The following MUC7 variants were observed in gnomAD, a reference collection of about 807,000 sequenced individuals.
MUC7 encodes mucin-7.
In MUC7, 2 loss-of-function variants were observed where a neutral mutation model predicts 2.5. The ratio of observed to expected loss-of-function variants is 0.81; its 90% CI spans 0.33 to 2.55. The LOEUF (loss-of-function observed/expected upper bound fraction) is 2.55. Among genes scored for constraint, MUC7 ranks in the 30% most tolerant of loss-of-function variants. The pLI, the probability that MUC7 is intolerant of heterozygous loss-of-function variation, is 0.11. For missense variants in MUC7, 408 were observed against 455.6 expected, an observed-to-expected ratio of 0.90 and a Z score of 0.95; for synonymous variants, 133 against 173.4, an observed-to-expected ratio of 0.77 and a Z score of 1.83.
intron 1 of MUC7, among the ~76,000 whole-genome samples, chr4:70,431,830 G>C (rs1279926152): frequency 6.6e-6 from 1 of 152,060 alleles, no homozygotes; most frequent in Non-Finnish European, 1.5e-5. Context: ...CATGTGCCAT[G>C]TTGGTGTGCT....
In MUC7 at chr4:70,474,007, G is replaced by A. The variant is rs867134981; in HGVS notation, c.-15G>A. 1 of 1,609,730 alleles carries A rather than the reference G, an allele frequency of 6.2e-7. No individual in the cohort carries two copies. The highest frequency in any genetic ancestry group is 1.1e-5 in the South Asian group (1 of 90,600). On this transcript the variant is annotated splice_region_variant and 5_prime_UTR_variant, in exon 2 of 3. Transcript: ENST00000304887. ...TACGCCACATTTCTGCTTTTCCCAG[G>A]AGACATCAGAAAGAATGAAAACTCT...
At chr4:70,458,051 A>T (rs144156974) in intron 1 of MUC7, among the ~76,000 whole-genome samples, 2 of 152,110 alleles carry the variant, frequency 1.3e-5, no homozygotes, top group Non-Finnish European at 2.9e-5. Context: ...GTAGCGATTA[A>T]TCTCTCCGAT....
At chr4:70,445,934 C>T (rs1734123603) in intron 1 of MUC7, among the ~76,000 whole-genome samples, 1 of 152,118 alleles carries the variant, frequency 6.6e-6, no homozygotes, top group South Asian at 2.1e-4. Flanking sequence ...CCAGACATGA[C>T]CTTCTCTCTG....
rs561427177 is a variant in MUC7 at position 70,466,677 on chromosome 4, G to A, written c.-92-5538G>A. Among the ~76,000 whole-genome samples the A allele has an allele frequency of 5.9e-5, 9 of 152,218 alleles. No homozygotes were observed. The South Asian group carries it at 1.7e-3, about 28-fold the overall frequency. On this transcript the variant is annotated intron_variant, in intron 1 of 3. Transcript: ENST00000413702. The stretch of plus-strand genomic sequence containing the variant: ...AAAAAGACAACAGCATTACATAATG[G>A]TAAAGGGATCAATGCAACAAGAAGA...
At chr4:70,476,579 G>T (rs1007999674) in intron 2 of MUC7, among the ~76,000 whole-genome samples, 1 of 152,206 alleles carries the variant, frequency 6.6e-6, no homozygotes, top group African/African-American at 2.4e-5. Flanking sequence ...GTGAGGTCAG[G>T]AGTTCGAGAC....
intron 1 of MUC7, among the ~76,000 whole-genome samples, chr4:70,473,354 G>A (rs1294693991): frequency 6.6e-6 from 1 of 151,974 alleles, no homozygotes; most frequent in East Asian, 1.9e-4. Context: ...CAAAGTGAGA[G>A]GATCGCTTGA....
intron 2 of MUC7, among the ~76,000 whole-genome samples, chr4:70,475,206 G>A (rs1436641193): frequency 6.6e-6 from 1 of 152,084 alleles, no homozygotes; most frequent in Admixed American, 6.5e-5. Flanking sequence ...TCGAACCTGG[G>A]AGGCAGAGTT....
chr4:70,473,341 G>C (rs1734893023), intron 1 of MUC7, among the ~76,000 whole-genome samples: 1 of 152,074 alleles, frequency 6.6e-6, no homozygotes, highest in African/African-American at 2.4e-5. Context: ...CTACTAGGGT[G>C]GCCAAAGTGA....
chr4:70,455,966 G>A (rs897433443), intron 1 of MUC7, among the ~76,000 whole-genome samples: 7 of 152,164 alleles, frequency 4.6e-5, no homozygotes, highest in African/African-American at 1.7e-4. Context: ...AGGAGGCAGA[G>A]TTCTCAAGAA....
At position 70,474,013 on chromosome 4, in the gene MUC7, T is replaced by A; in HGVS notation, c.-9T>A. 2 of 1,610,836 alleles carry A rather than the reference T, an allele frequency of 1.2e-6. No individual in the cohort carries two copies. The highest frequency in any genetic ancestry group is 1.7e-6 in the Non-Finnish European group (2 of 1,177,568). On this transcript the variant is annotated 5_prime_UTR_variant, in exon 2 of 3. Coordinates refer to ENST00000304887, the MANE Select transcript of MUC7 (RefSeq NM_152291.3). Reference sequence around the variant, plus strand: ...ACATTTCTGCTTTTCCCAGGAGACATCAGAAAGAATGAAAACTCTGCCGCT... The same window carrying A: ...ACATTTCTGCTTTTCCCAGGAGACAACAGAAAGAATGAAAACTCTGCCGCT...
upstream of MUC7, among the ~76,000 whole-genome samples, chr4:70,470,473 G>T (rs1176045471): frequency 6.6e-6 from 1 of 151,898 alleles, no homozygotes; most frequent in Admixed American, 6.6e-5. Flanking sequence ...GAAATGTACT[G>T]GATTCAGTCA....
In MUC7 at chr4:70,447,428, GA is replaced by G. The variant is rs542324844; in HGVS notation, c.-93+16750del. ...AGCTTTATATCATATTACATACTCAGAAAAAAAAAGTCACAATGGTTTTATT... is the reference window on the plus strand; with the variant it reads ...AGCTTTATATCATATTACATACTCAGAAAAAAAAGTCACAATGGTTTTATT... On this transcript the variant is annotated intron_variant, in intron 1 of 3. Transcript: ENST00000413702. Among the ~76,000 whole-genome samples, 99 of 150,010 alleles carry G rather than the reference GA, an allele frequency of 6.6e-4. 2 individuals are homozygous for G. In the South Asian group the frequency reaches 0.019, roughly 28 times the overall value.
In MUC7 at chr4:70,481,994, G is replaced by A; in HGVS notation, c.*116G>A. The A allele has an allele frequency of 8.1e-7, 1 of 1,229,594 alleles. No homozygotes were observed. Among genetic ancestry groups the A allele is most frequent in the East Asian group, 2.4e-5 (1 of 41,518 alleles). 76.2% of individuals were successfully genotyped at this position (1,229,594 alleles called of 1,614,324 possible). On this transcript the variant is annotated 3_prime_UTR_variant, in exon 3 of 3. Transcript: ENST00000304887. The stretch of plus-strand genomic sequence containing the variant: ...TGAAATTATATTACTCAGATTTAAA[G>A]CACTATCATTAATCTTTCAATCTAA...
At chr4:70,478,511 CCAGG>C (rs1438938501) in intron 2 of MUC7, among the ~76,000 whole-genome samples, 4 of 152,164 alleles carry the variant, frequency 2.6e-5, no homozygotes, top group Non-Finnish European at 5.9e-5. Context: ...AAGCCGACAT[CCAGG>C]CACATTAAGT....
rs192668036 is a variant in MUC7 at position 70,453,127 on chromosome 4, C to A, written c.-92-19088C>A. Reference sequence around the variant, plus strand: ...CAGGCCTGCTCTAACCTCTCCCTTGCTACCACCTATGTTTGTTTGCTCAAG... The same window carrying A: ...CAGGCCTGCTCTAACCTCTCCCTTGATACCACCTATGTTTGTTTGCTCAAG... On this transcript the variant is annotated intron_variant, in intron 1 of 3. Transcript: ENST00000413702. Among the ~76,000 whole-genome samples, 18 of 152,344 alleles carry A rather than the reference C, an allele frequency of 1.2e-4. No individual in the cohort carries two copies. The East Asian group carries it at 1.5e-3, about 13-fold the overall frequency.
At chr4:70,437,331 G>T (rs1256755146) in intron 1 of MUC7, among the ~76,000 whole-genome samples, 1 of 152,234 alleles carries the variant, frequency 6.6e-6, no homozygotes, top group Non-Finnish European at 1.5e-5. Flanking sequence ...AGAGGCAGTA[G>T]CCTTGCTGAG....
chr4:70,480,828 A>G lies in MUC7; in HGVS notation c.84A>G (p.Glu28=). The change falls in exon 3 of 3, where the codon GAA becomes GAG. Residue 28 remains glutamate (E), a synonymous_variant. Coordinates refer to ENST00000304887, the MANE Select transcript of MUC7 (RefSeq NM_152291.3). ...GTGAAGGTCGAGAAAGGGATCATGA[A>G]CTACGTCACAGAAGGCATCATCACC... ...SFSEGRERDH[E]LRHRRHHHQS... is the part of the protein sequence containing the mutation. The G allele has an allele frequency of 1.2e-6, 2 of 1,613,948 alleles. No homozygotes were observed. The highest frequency in any genetic ancestry group is 1.7e-6 in the Non-Finnish European group (2 of 1,179,864).
At chr4:70,440,783 A>C (rs1417286694) in intron 1 of MUC7, among the ~76,000 whole-genome samples, 1 of 152,162 alleles carries the variant, frequency 6.6e-6, no homozygotes, top group Non-Finnish European at 1.5e-5. Flanking sequence ...TAGAAAGAAT[A>C]AAAACAAAAT....
At chr4:70,433,416 T>C (rs977727608) in intron 1 of MUC7, among the ~76,000 whole-genome samples, 1 of 152,184 alleles carries the variant, frequency 6.6e-6, no homozygotes, top group African/African-American at 2.4e-5. Flanking sequence ...TGAGCAGTGG[T>C]TTGTAGTTCT....
Sources: allele counts gnomAD v4.1 joint callset (sites outside exome capture counted in the v4.1 genomes callset), GRCh38; gene constraint gnomAD v4.1.1; transcripts MANE v1.5; gene names NCBI Gene and HGNC (gene_info 2026-07-23, HGNC 2026-07-21).